UST: variants seen among roughly 807,000 people sequenced by gnomAD.
The protein encoded by UST is chondroitin sulfate 2-O-sulfotransferase.
Under a neutral mutation model 45.6 loss-of-function variants are expected in UST, and 21 were observed. The observed-to-expected ratio is 0.46, with a 90% CI of 0.33 to 0.66. UST has a LOEUF of 0.66. Among genes scored for constraint, UST ranks in the 30% least tolerant of loss-of-function variants. UST has a pLI of 0.02. For synonymous variants in UST, 215 were observed against 200.6 expected (o/e 1.07, Z -0.61); for missense variants, 463 against 512.4 (o/e 0.90, Z 0.93).
At chr6:148,890,403 C>A (rs971432256) in intron 2 of UST, among the ~76,000 whole-genome samples, 5 of 152,122 alleles carry the variant, frequency 3.3e-5, no homozygotes, top group African/African-American at 1.2e-4. Flanking sequence ...CTGGAATGAA[C>A]CCTTACCCTG....
At chr6:148,829,416 T>C (rs1013000226) in intron 1 of UST, among the ~76,000 whole-genome samples, 6 of 152,312 alleles carry the variant, frequency 3.9e-5, no homozygotes, top group Admixed American at 6.5e-5. Flanking sequence ...TCTTCAGCCA[T>C]GTGTGAGCAT....
chr6:148,927,221 T>A (rs1237180859), intron 2 of UST, among the ~76,000 whole-genome samples: 2 of 150,932 alleles, frequency 1.3e-5, no homozygotes, highest in Non-Finnish European at 3.0e-5. Context: ...GGAGGACCAG[T>A]GGGAGGGAGG....
At chr6:148,989,497 A>G (rs1781307381) in intron 5 of UST, among the ~76,000 whole-genome samples, 1 of 152,198 alleles carries the variant, frequency 6.6e-6, no homozygotes, top group Admixed American at 6.5e-5. Context: ...AATAAAAGGA[A>G]AGCAAGAGGG....
At chr6:148,995,992 A>C (rs1258793353) in intron 5 of UST, among the ~76,000 whole-genome samples, 2 of 152,166 alleles carry the variant, frequency 1.3e-5, no homozygotes. Context: ...GTGGGGGCAG[A>C]GTGGGGACAG....
At chr6:149,002,449 A>G (rs1046639872) in intron 5 of UST, among the ~76,000 whole-genome samples, 2 of 152,216 alleles carry the variant, frequency 1.3e-5, no homozygotes, top group Non-Finnish European at 2.9e-5. Context: ...GTTAAAAACT[A>G]AATAAATTTA....
At chr6:148,792,091 T>A (rs1776860071) in intron 1 of UST, among the ~76,000 whole-genome samples, 1 of 151,708 alleles carries the variant, frequency 6.6e-6, no homozygotes, top group African/African-American at 2.4e-5. Context: ...AGCCTAGGAG[T>A]CAGCAGGTAG....
At chr6:148,857,316 G>T (rs535556785) in intron 1 of UST, among the ~76,000 whole-genome samples, 11 of 152,030 alleles carry the variant, frequency 7.2e-5, no homozygotes, top group Non-Finnish European at 1.3e-4. Flanking sequence ...ATGACTATAC[G>T]GTTTCCCACT....
Position 148,747,257 on chromosome 6 carries a change from C to A in UST, c.-174C>A. 1.4e-6 allele frequency: 1 copy of A among 707,030 alleles called. No homozygotes were observed. The highest frequency in any genetic ancestry group is 2.0e-6 in the Non-Finnish European group (1 of 509,882). 43.8% of individuals were successfully genotyped at this position (707,030 alleles called of 1,614,324 possible). Reference sequence around the variant, plus strand: ...GCCGCTCGGGCCGCGGCGGCGGGGACCATGCCGAAGAAAGTCTCCTGAGCC... The same window carrying A: ...GCCGCTCGGGCCGCGGCGGCGGGGAACATGCCGAAGAAAGTCTCCTGAGCC... On this transcript the variant is annotated 5_prime_UTR_variant, in exon 1 of 8. Coordinates refer to ENST00000367463, the MANE Select transcript of UST (RefSeq NM_005715.3).
chr6:148,764,842 A>T (rs181715618), intron 1 of UST, among the ~76,000 whole-genome samples: 20 of 152,278 alleles, frequency 1.3e-4, no homozygotes, highest in Admixed American at 8.5e-4. Context: ...AGGGTTCAAG[A>T]GCAGAGAACC....
chr6:148,797,553 A>G (rs1776976511), intron 1 of UST, among the ~76,000 whole-genome samples: 1 of 152,204 alleles, frequency 6.6e-6, no homozygotes, highest in Non-Finnish European at 1.5e-5. Flanking sequence ...TAATGATTTT[A>G]AGCACCTGTT....
chr6:149,061,371 A>G (rs1179663892), intron 7 of UST, among the ~76,000 whole-genome samples: 4 of 152,220 alleles, frequency 2.6e-5, no homozygotes, highest in African/African-American at 7.2e-5. Flanking sequence ...ACATATGTCA[A>G]TGCAGCAGAG....
At chr6:148,766,942 A>G (rs1007320466) in intron 1 of UST, among the ~76,000 whole-genome samples, 6 of 152,212 alleles carry the variant, frequency 3.9e-5, no homozygotes, top group Admixed American at 6.5e-5. Flanking sequence ...GACTTATAAC[A>G]CTTTAGCTTA....
intron 7 of UST, among the ~76,000 whole-genome samples, chr6:149,052,836 G>A (rs959739534): frequency 2.0e-5 from 3 of 152,132 alleles, no homozygotes; most frequent in Admixed American, 1.3e-4. Flanking sequence ...TACTAAAATC[G>A]CTTTAATAAA....
At chr6:149,063,363 C>T (rs1776683528) in intron 7 of UST, among the ~76,000 whole-genome samples, 1 of 152,058 alleles carries the variant, frequency 6.6e-6, no homozygotes, top group Non-Finnish European at 1.5e-5. Context: ...AATTATTTGA[C>T]CAATCCCTAA....
At chr6:148,900,773 G>A (rs1402426043) in intron 2 of UST, among the ~76,000 whole-genome samples, 2 of 152,162 alleles carry the variant, frequency 1.3e-5, no homozygotes, top group African/African-American at 4.8e-5. Flanking sequence ...TTACAGTTCT[G>A]GAGGTCAGAA....
In UST at chr6:148,782,749, G is replaced by A. The variant is rs113289747; in HGVS notation, c.247+35072G>A. Among the ~76,000 whole-genome samples, 1,025 of 152,264 alleles carry A rather than the reference G, an allele frequency of 6.7e-3. 13 individuals are homozygous for A. Among genetic ancestry groups the A allele is most frequent in the African/African-American group, 0.022 (906 of 41,552 alleles). On this transcript the variant is annotated intron_variant, in intron 1 of 7. Transcript: ENST00000367463. Reference sequence around the variant, plus strand: ...ATTACAGACATGAGCCACAGTGCCCGGCCAAGTTGTTTCTTATGGATAAGC... The same window carrying A: ...ATTACAGACATGAGCCACAGTGCCCAGCCAAGTTGTTTCTTATGGATAAGC...
intron 1 of UST, among the ~76,000 whole-genome samples, chr6:148,856,616 G>A (rs764773844): frequency 2.0e-4 from 30 of 152,226 alleles, no homozygotes; most frequent in Non-Finnish European, 3.7e-4. Context: ...GGGTTGCGGG[G>A]CGGGCTTTCC....
intron 5 of UST, among the ~76,000 whole-genome samples, chr6:149,012,337 T>G (rs956552561): frequency 2.0e-4 from 31 of 152,232 alleles, no homozygotes; most frequent in African/African-American, 7.5e-4. Context: ...AAAAGCCTTT[T>G]ACAAGGAAGA....
Position 148,747,363 on chromosome 6 carries a change from T to TC in UST, c.-66dup. The TC allele has an allele frequency of 7.3e-7, 1 of 1,361,208 alleles. No homozygotes were observed. The highest frequency in any genetic ancestry group is 9.5e-7 in the Non-Finnish European group (1 of 1,052,370). 84.3% of individuals were successfully genotyped at this position (1,361,208 alleles called of 1,614,324 possible). On this transcript the variant is annotated 5_prime_UTR_variant, in exon 1 of 8. The change creates a premature stop within an existing upstream ORF in the 5' untranslated region. Coordinates refer to ENST00000367463, the MANE Select transcript of UST (RefSeq NM_005715.3). The stretch of plus-strand genomic sequence containing the variant: ...CATGTGCAGCCGGCCAGCCGGGCTC[T>TC]CCTCCTCGCGGCGGATGGGTGACCT...
Sources: allele counts gnomAD v4.1 joint callset (sites outside exome capture counted in the v4.1 genomes callset), GRCh38; gene constraint gnomAD v4.1.1; transcripts MANE v1.5; gene names NCBI Gene and HGNC (gene_info 2026-07-23, HGNC 2026-07-21).